Variants in GLYATL2 observed in about 807,000 individuals in gnomAD.
GLYATL2 encodes glycine N-acyltransferase-like protein 2.
GLYATL2 carries 25 observed loss-of-function variants against 21.4 expected under a neutral mutation model. That is an observed-to-expected ratio of 1.17 (90% CI 0.85 to 1.63). The LOEUF (loss-of-function observed/expected upper bound fraction) is 1.63, where lower values mean the gene tolerates loss of function less well. Among genes scored for constraint, GLYATL2 ranks in the 40% most tolerant of loss-of-function variants. The probability of loss-of-function intolerance (pLI) is 0.00; values close to 1 mark genes in which losing one functional copy is unlikely to be tolerated. For synonymous variants in GLYATL2, 114 were observed against 118.2 expected (o/e 0.96, Z 0.23); for missense variants, 361 against 343.3 (o/e 1.05, Z -0.41).
intron 1 of GLYATL2, among the ~76,000 whole-genome samples, chr11:58,867,990 C>T (rs371082705): frequency 5.4e-5 from 8 of 148,774 alleles, no homozygotes; most frequent in South Asian, 2.2e-4. Context: ...AGAGCTGGTC[C>T]GAAAGCCTGA....
intron 1 of GLYATL2, among the ~76,000 whole-genome samples, chr11:58,851,304 G>T (rs1853737013): frequency 6.6e-6 from 1 of 152,174 alleles, no homozygotes; most frequent in African/African-American, 2.4e-5. Context: ...CACAGACCCT[G>T]TGGGGCTGGC....
chr11:58,834,469 C>A lies in GLYATL2; in HGVS notation c.845G>T (p.Gly282Val). The A allele has an allele frequency of 6.2e-7, 1 of 1,605,304 alleles. No homozygotes were observed. The highest frequency in any genetic ancestry group is 1.7e-5 in the Admixed American group (1 of 58,536). Reference protein sequence around the residue: ...NNLGFKICPCGWHQWKCTPKK... With the variant: ...NNLGFKICPCVWHQWKCTPKK... ...GGGGGTGCATTTCCACTGATGCCAGCCACAAGGACAAATCTTAAACCCCAA... is the reference window on the plus strand; with the variant it reads ...GGGGGTGCATTTCCACTGATGCCAGACACAAGGACAAATCTTAAACCCCAA... The change falls in exon 6 of 6, where the codon GGC becomes GTC. Residue 282 changes from glycine (G) to valine (V), a missense_variant. By Grantham distance (109) the Gly-to-Val change is moderately radical. Transcript: ENST00000287275.
At chr11:58,849,299 G>A (rs1853698508), upstream of GLYATL2, among the ~76,000 whole-genome samples, 1 of 152,048 alleles carries the variant, frequency 6.6e-6, no homozygotes, top group Non-Finnish European at 1.5e-5. Flanking sequence ...ATATTATAAC[G>A]CTGTTAACTG....
chr11:58,899,844 T>C (rs1228220448), intron 1 of GLYATL2, among the ~76,000 whole-genome samples: 1 of 152,194 alleles, frequency 6.6e-6, no homozygotes, highest in Non-Finnish European at 1.5e-5. Flanking sequence ...CACATACATA[T>C]ATAGTTGATG....
chr11:58,847,503 AC>A (rs1417589455), upstream of GLYATL2, among the ~76,000 whole-genome samples: 3 of 152,142 alleles, frequency 2.0e-5, no homozygotes, highest in African/African-American at 7.2e-5. Flanking sequence ...GGTAGACTTT[AC>A]TACAAGCTGA....
chr11:58,847,682 C>G (rs569142179), upstream of GLYATL2, among the ~76,000 whole-genome samples: 1 of 152,158 alleles, frequency 6.6e-6, no homozygotes, highest in South Asian at 2.1e-4. Flanking sequence ...AATAGAACAC[C>G]AGGTAGCCCT....
rs553618160 is a variant in GLYATL2 at position 58,886,594 on chromosome 11, A to G, written n.60+17562T>C. Among the ~76,000 whole-genome samples the G allele has an allele frequency of 3.9e-5, 6 of 152,362 alleles. No homozygotes were observed. In the South Asian group the frequency reaches 1.2e-3, roughly 32 times the overall value. ...AGATACTGTATGTTAAACACTTAGTACATAGCACATAATTTTAAATAGTAT... is the reference window on the plus strand; with the variant it reads ...AGATACTGTATGTTAAACACTTAGTGCATAGCACATAATTTTAAATAGTAT... On this transcript the variant is annotated intron_variant and non_coding_transcript_variant, in intron 1 of 4. Transcript: ENST00000533636.
At chr11:58,863,316 A>G (rs939948646) in intron 1 of GLYATL2, among the ~76,000 whole-genome samples, 4 of 152,118 alleles carry the variant, frequency 2.6e-5, no homozygotes, top group African/African-American at 9.7e-5. Flanking sequence ...TACTGGGATG[A>G]GCCTGGAATC....
At chr11:58,845,803 G>A (rs1238906445), upstream of GLYATL2, among the ~76,000 whole-genome samples, 2 of 152,118 alleles carry the variant, frequency 1.3e-5, no homozygotes, top group African/African-American at 4.8e-5. Flanking sequence ...TTATTTTAAT[G>A]ACACTATGAT....
chr11:58,871,934 C>G (rs1327273987), intron 1 of GLYATL2, among the ~76,000 whole-genome samples: 2 of 152,194 alleles, frequency 1.3e-5, no homozygotes, highest in Admixed American at 6.5e-5. Context: ...TCCACATCCT[C>G]TCCAGCACCT....
chr11:58,862,810 G>C lies in GLYATL2; in HGVS notation n.61-24442C>G, dbSNP rs376635239. Reference sequence around the variant, plus strand: ...AGTTCATAAGCCTTTATTTCTTTAGGGTCAGCTATTGGTTATTCTTTTTTT... The same window carrying C: ...AGTTCATAAGCCTTTATTTCTTTAGCGTCAGCTATTGGTTATTCTTTTTTT... On this transcript the variant is annotated intron_variant and non_coding_transcript_variant, in intron 1 of 4. Transcript: ENST00000533636. 1.8e-4 allele frequency among the ~76,000 whole-genome samples: 24 copies of C among 133,088 alleles called. No individual in the cohort carries two copies. In the South Asian group the frequency reaches 6.2e-3, roughly 35 times the overall value. 87.3% of individuals were successfully genotyped at this position (133,088 alleles called of 152,430 possible). A position where few individuals can be genotyped will look rare whatever the true frequency, so the allele number is the denominator to read the frequency against.
intron 1 of GLYATL2, among the ~76,000 whole-genome samples, chr11:58,897,602 C>T (rs981551819): frequency 2.8e-4 from 43 of 152,082 alleles, no homozygotes; most frequent in African/African-American, 1.0e-3. Flanking sequence ...CATCCTCCTG[C>T]TATCCTTTGG....
intron 1 of GLYATL2, among the ~76,000 whole-genome samples, chr11:58,861,962 TC>T (rs1287643615): frequency 6.6e-6 from 1 of 152,154 alleles, no homozygotes; most frequent in African/African-American, 2.4e-5. Flanking sequence ...CTCTAGCATT[TC>T]CTGTAAGACA....
chr11:58,890,859 C>T (rs1249480041), intron 1 of GLYATL2, among the ~76,000 whole-genome samples: 1 of 151,324 alleles, frequency 6.6e-6, no homozygotes, highest in Non-Finnish European at 1.5e-5. Flanking sequence ...TCTCTCTCTT[C>T]TTCTCTCTCT....
At chr11:58,869,337 G>T in intron 1 of GLYATL2, among the ~76,000 whole-genome samples, 1 of 152,196 alleles carries the variant, frequency 6.6e-6, no homozygotes, top group East Asian at 1.9e-4. Flanking sequence ...TCTAAGCAGG[G>T]TCGGGCCAGG....
At chr11:58,867,833 A>AG (rs1854047890) in intron 1 of GLYATL2, among the ~76,000 whole-genome samples, 1 of 148,914 alleles carries the variant, frequency 6.7e-6, no homozygotes, top group Admixed American at 6.9e-5. Flanking sequence ...ATATCAGAGA[A>AG]GTGGACTTGG....
At chr11:58,906,158 G>A (rs913526058), upstream of GLYATL2, among the ~76,000 whole-genome samples, 3 of 152,192 alleles carry the variant, frequency 2.0e-5, no homozygotes, top group Non-Finnish European at 4.4e-5. Flanking sequence ...TAGGTGGATG[G>A]CCGGCAGGGG....
intron 1 of GLYATL2, among the ~76,000 whole-genome samples, chr11:58,876,433 G>A (rs1854234465): frequency 6.6e-6 from 1 of 152,066 alleles, no homozygotes; most frequent in South Asian, 2.1e-4. Flanking sequence ...TCTACCTTTG[G>A]TCTTTGATGA....
intron 1 of GLYATL2, among the ~76,000 whole-genome samples, chr11:58,851,744 G>A (rs184926897): frequency 6.6e-6 from 1 of 152,098 alleles, no homozygotes; most frequent in Non-Finnish European, 1.5e-5. Context: ...TGACATGTGG[G>A]AAAAGATTCA....
Sources: allele counts gnomAD v4.1 joint callset (sites outside exome capture counted in the v4.1 genomes callset), GRCh38; gene constraint gnomAD v4.1.1; transcripts MANE v1.5; gene names NCBI Gene and HGNC (gene_info 2026-07-23, HGNC 2026-07-21).